ELMO1: variants seen among roughly 807,000 people sequenced by gnomAD.
ELMO1 encodes engulfment and cell motility protein 1.
In ELMO1, 26 loss-of-function variants were observed where a neutral mutation model predicts 98.9. The observed-to-expected ratio is 0.26, with a 90% CI of 0.19 to 0.36. ELMO1 has a LOEUF of 0.36. Among genes scored for constraint, ELMO1 ranks in the 10% least tolerant of loss-of-function variants. The pLI is 1.00. For missense variants in ELMO1, 627 were observed against 935.2 expected, an observed-to-expected ratio of 0.67 and a Z score of 4.30; for synonymous variants, 346 against 346.0, an observed-to-expected ratio of 1.00 and a Z score of 0.00.
chr7:37,068,393 G>C (rs1480909073), intron 15 of ELMO1, among the ~76,000 whole-genome samples: 1 of 152,154 alleles, frequency 6.6e-6, no homozygotes, highest in Non-Finnish European at 1.5e-5. Context: ...TGACCATTAA[G>C]ATGTGATGAG....
intron 4 of ELMO1, among the ~76,000 whole-genome samples, chr7:37,297,495 T>C (rs555889243): frequency 3.0e-4 from 45 of 152,074 alleles, no homozygotes; most frequent in Non-Finnish European, 6.3e-4. Flanking sequence ...CACATATACC[T>C]AGATGACACA....
chr7:37,154,559 GA>G (rs1291892781), intron 13 of ELMO1, among the ~76,000 whole-genome samples: 1 of 152,196 alleles, frequency 6.6e-6, no homozygotes, highest in Non-Finnish European at 1.5e-5. Flanking sequence ...CGCAAGAAAG[GA>G]TATCAGTGAT....
intron 13 of ELMO1, among the ~76,000 whole-genome samples, chr7:37,208,829 C>T (rs1254139493): frequency 6.6e-6 from 1 of 152,022 alleles, no homozygotes; most frequent in Non-Finnish European, 1.5e-5. Flanking sequence ...CAAGACTGGC[C>T]TGGGAGAAGT....
intron 1 of ELMO1, among the ~76,000 whole-genome samples, chr7:37,448,466 C>G (rs1296239949): frequency 1.3e-5 from 2 of 152,068 alleles, no homozygotes; most frequent in African/African-American, 2.4e-5. Context: ...CAGAGCGCCC[C>G]GACGCGCCCG....
At chr7:37,092,212 C>T (rs1397070846) in intron 15 of ELMO1, among the ~76,000 whole-genome samples, 1 of 151,874 alleles carries the variant, frequency 6.6e-6, no homozygotes, top group African/African-American at 2.4e-5. Flanking sequence ...AAAAAGAAAA[C>T]TTTTAACCAA....
intron 13 of ELMO1, among the ~76,000 whole-genome samples, chr7:37,154,382 T>C (rs1386996520): frequency 3.3e-5 from 5 of 149,862 alleles, no homozygotes; most frequent in African/African-American, 7.3e-5. Context: ...TAAAGGAGCA[T>C]GTTCTAATCC....
chr7:37,287,174 C>T (rs893112887), intron 4 of ELMO1, among the ~76,000 whole-genome samples: 4 of 143,774 alleles, frequency 2.8e-5, no homozygotes, highest in Non-Finnish European at 4.5e-5. Context: ...GTCTGGGCAA[C>T]AGAGCAAGAG....
At chr7:37,234,529 CA>C (rs887251746) in intron 7 of ELMO1, among the ~76,000 whole-genome samples, 3 of 152,156 alleles carry the variant, frequency 2.0e-5, no homozygotes, top group Non-Finnish European at 4.4e-5. Flanking sequence ...TGCCGGAGAC[CA>C]GGGGCAACAG....
At chr7:37,022,420 C>T (rs766268163) in intron 15 of ELMO1, among the ~76,000 whole-genome samples, 3 of 152,042 alleles carry the variant, frequency 2.0e-5, no homozygotes, top group Non-Finnish European at 2.9e-5. Flanking sequence ...ATGGGCAAAA[C>T]GTAAATAGGC....
intron 16 of ELMO1, among the ~76,000 whole-genome samples, chr7:37,006,482 T>A (rs1182786922): frequency 6.6e-6 from 1 of 152,210 alleles, no homozygotes; most frequent in African/African-American, 2.4e-5. Context: ...AGGGGCCAAC[T>A]GGGACTGCCA....
At chr7:37,068,418 T>C (rs953910428) in intron 15 of ELMO1, among the ~76,000 whole-genome samples, 7 of 152,220 alleles carry the variant, frequency 4.6e-5, no homozygotes, top group African/African-American at 1.7e-4. Flanking sequence ...CAGTTGACAG[T>C]GGCCAATGTA....
chr7:36,986,245 G>C, intron 16 of ELMO1: 1 of 985,420 alleles, frequency 1.0e-6, no homozygotes, highest in South Asian at 4.7e-5. Context: ...TCCATTTCAG[G>C]GAAACTCCTG....
chr7:36,857,617 C>T (rs1802307097), intron 21 of ELMO1, among the ~76,000 whole-genome samples: 1 of 152,084 alleles, frequency 6.6e-6, no homozygotes. Context: ...AGTACATCGA[C>T]CAATAAATAA....
intron 14 of ELMO1, among the ~76,000 whole-genome samples, chr7:37,114,108 T>C (rs532518135): frequency 3.3e-5 from 5 of 152,260 alleles, no homozygotes; most frequent in Non-Finnish European, 5.9e-5. Flanking sequence ...GCAAAAGTGC[T>C]GAACGTTTTT....
intron 16 of ELMO1, among the ~76,000 whole-genome samples, chr7:36,903,959 T>G (rs1783777429): frequency 6.6e-6 from 1 of 152,230 alleles, no homozygotes; most frequent in African/African-American, 2.4e-5. Flanking sequence ...GGCGGGTCCC[T>G]CAGACACCAC....
chr7:36,899,112 G>A (rs546043594), intron 16 of ELMO1, among the ~76,000 whole-genome samples: 290 of 152,286 alleles, frequency 1.9e-3, no homozygotes, highest in Non-Finnish European at 3.2e-3. Flanking sequence ...AGTGTTCAGC[G>A]GTCTTGTTTA....
At chr7:36,899,336 C>G (rs987629912) in intron 16 of ELMO1, among the ~76,000 whole-genome samples, 5 of 151,884 alleles carry the variant, frequency 3.3e-5, no homozygotes, top group African/African-American at 1.2e-4. Flanking sequence ...CTAGTTGAGG[C>G]AAGGAGGGGA....
At chr7:37,362,331 C>CAA (rs1801731783) in intron 1 of ELMO1, among the ~76,000 whole-genome samples, 1 of 152,104 alleles carries the variant, frequency 6.6e-6, no homozygotes, top group South Asian at 2.1e-4. Context: ...ACACAAAACA[C>CAA]AAAGTTTCTG....
At chr7:36,938,780 T>C (rs1049490467) in intron 16 of ELMO1, among the ~76,000 whole-genome samples, 9 of 152,160 alleles carry the variant, frequency 5.9e-5, no homozygotes, top group African/African-American at 2.2e-4. Flanking sequence ...TTGTCATCAA[T>C]GGCTACCTAG....
Sources: allele counts gnomAD v4.1 joint callset (sites outside exome capture counted in the v4.1 genomes callset), GRCh38; gene constraint gnomAD v4.1.1; transcripts MANE v1.5; gene names NCBI Gene and HGNC (gene_info 2026-07-23, HGNC 2026-07-21).